Variants in SP140L observed in about 807,000 individuals in gnomAD.
The protein encoded by SP140L is SP140 like nuclear body protein.
Under a neutral mutation model 84.3 loss-of-function variants are expected in SP140L, and 64 were observed. The observed-to-expected ratio is 0.76, with a 90% CI of 0.62 to 0.94. The LOEUF is 0.94. Among genes scored for constraint, SP140L ranks in the 40% least tolerant of loss-of-function variants. The pLI, the probability that SP140L is intolerant of heterozygous loss-of-function variation, is 0.00. For synonymous variants in SP140L, 242 were observed against 236.9 expected (o/e 1.02, Z -0.20); for missense variants, 628 against 692.5 (o/e 0.91, Z 1.05).
rs1559465933 is a variant in SP140L, at chr2:230,400,240, G to A, written c.1311G>A (p.Glu437=). 2 of 1,614,110 alleles carry A rather than the reference G, an allele frequency of 1.2e-6. No homozygotes were observed. The highest frequency in any genetic ancestry group is 2.2e-5 in the East Asian group (1 of 44,874). Residue 437 remains glutamate, a splice_region_variant and synonymous_variant, in exon 15 of 19, where the codon GAG becomes GAA. Transcript: ENST00000415673. ...EDCHIPPVES[E]KTPWNCIFCR... is the part of the protein sequence containing the mutation. ...GCCACATCCCACCTGTGGAAAGTGA[G>A]AAGTAAGTGACATGCAGGCACCTCT...
chr2:230,389,400 G>T (rs2061712078), intron 10 of SP140L, among the ~76,000 whole-genome samples: 1 of 152,122 alleles, frequency 6.6e-6, no homozygotes, highest in South Asian at 2.1e-4. Context: ...CAGCTGTGGA[G>T]AAAGCTGATA....
chr2:230,394,266 C>T (rs1278852635), intron 13 of SP140L, among the ~76,000 whole-genome samples: 2 of 151,040 alleles, frequency 1.3e-5, no homozygotes, highest in Non-Finnish European at 3.0e-5. Context: ...AGATTCAGGA[C>T]AAGGTGATGG....
intron 2 of SP140L, among the ~76,000 whole-genome samples, chr2:230,336,769 T>C (rs2059894988): frequency 6.6e-6 from 1 of 152,224 alleles, no homozygotes; most frequent in Admixed American, 6.5e-5. Context: ...TGTCAGACTT[T>C]CCTTTCAATA....
At chr2:230,381,723 C>CT (rs1358295757) in intron 7 of SP140L, among the ~76,000 whole-genome samples, 5 of 147,928 alleles carry the variant, frequency 3.4e-5, no homozygotes, top group African/African-American at 9.9e-5. Flanking sequence ...CACACACACA[C>CT]ACACACACAC....
At chr2:230,379,770 T>C (rs574397890) in intron 7 of SP140L, among the ~76,000 whole-genome samples, 20 of 152,314 alleles carry the variant, frequency 1.3e-4, no homozygotes, top group African/African-American at 4.8e-4. Context: ...GTAAAGTGAT[T>C]ACTACATTGT....
intron 13 of SP140L, among the ~76,000 whole-genome samples, chr2:230,394,418 A>G (rs1392566146): frequency 6.6e-6 from 1 of 152,246 alleles, no homozygotes; most frequent in East Asian, 1.9e-4. Context: ...ACTAAGCTTC[A>G]TATTCCACTG....
intron 7 of SP140L, among the ~76,000 whole-genome samples, chr2:230,383,072 T>G (rs1472454903): frequency 6.6e-6 from 1 of 152,210 alleles, no homozygotes; most frequent in Non-Finnish European, 1.5e-5. Flanking sequence ...TGTAATTGCA[T>G]AATGAAAACT....
At chr2:230,342,085 C>T (rs190144511) in intron 2 of SP140L, 3,625 of 166,000 alleles carry the variant, frequency 0.022, 147 homozygotes, top group African/African-American at 0.082. Context: ...GCGCCCCTCC[C>T]CCAGCGTCAC....
chr2:230,393,315 G>C (rs911390627), intron 12 of SP140L, 99 bp from the exon 13 acceptor site: 75 of 1,353,052 alleles, frequency 5.5e-5, no homozygotes, highest in Admixed American at 1.3e-4. Flanking sequence ...GCTGGCATTG[G>C]AACACTCAGG....
chr2:230,387,078 CAGAGAGCCACACCTGTGT>C (rs1252929131), intron 9 of SP140L, among the ~76,000 whole-genome samples: 9 of 152,164 alleles, frequency 5.9e-5, no homozygotes, highest in African/African-American at 1.9e-4. Flanking sequence ...GAGAGCTTCT[CAGAGAGCCACACCTGTGT>C]GGCTGATGTT....
chr2:230,373,666 T>C (rs1335436003), intron 7 of SP140L, among the ~76,000 whole-genome samples: 2 of 152,236 alleles, frequency 1.3e-5, no homozygotes, highest in East Asian at 3.8e-4. Flanking sequence ...TACAAGGTGA[T>C]TAATGCTATT....
At chr2:230,385,340 G>A (rs774137663) in intron 9 of SP140L, 36 bp downstream of exon 9, 20 of 1,585,904 alleles carry the variant, frequency 1.3e-5, no homozygotes, top group Non-Finnish European at 1.7e-5. Context: ...CATTTGCCCT[G>A]CAGGTCAATG....
intron 4 of SP140L, among the ~76,000 whole-genome samples, chr2:230,361,384 A>G (rs562274596): frequency 6.6e-6 from 1 of 152,238 alleles, no homozygotes; most frequent in African/African-American, 2.4e-5. Flanking sequence ...ACAGCTCACT[A>G]TGTTTCCATT....
chr2:230,330,217 T>C (rs934796692), intron 2 of SP140L, among the ~76,000 whole-genome samples: 1 of 152,222 alleles, frequency 6.6e-6, no homozygotes. Flanking sequence ...TCATCTGAGC[T>C]ACAGTTTGAA....
intron 15 of SP140L, 114 bp downstream of exon 15, chr2:230,400,356 G>A (rs571291556): frequency 1.7e-4 from 173 of 1,048,204 alleles, no homozygotes; most frequent in South Asian, 3.0e-4. Context: ...CAGGTTCATC[G>A]GGTACTGGGA....
At chr2:230,366,710 CTATTATT>C (rs1206267907) in intron 5 of SP140L, among the ~76,000 whole-genome samples, 3,299 of 144,574 alleles carry the variant, frequency 0.023, 134 homozygotes, top group African/African-American at 0.077. Flanking sequence ...GGATTATTAT[CTATTATT>C]ATTATTATTA....
At chr2:230,393,130 A>G (rs1016553971) in intron 12 of SP140L, among the ~76,000 whole-genome samples, 1 of 152,130 alleles carries the variant, frequency 6.6e-6, no homozygotes, top group Non-Finnish European at 1.5e-5. Context: ...GTGCAACTGG[A>G]AAAGAAGTGA....
At chr2:230,329,403 TC>T (rs2059666191) in intron 2 of SP140L, among the ~76,000 whole-genome samples, 1 of 152,226 alleles carries the variant, frequency 6.6e-6, no homozygotes, top group Non-Finnish European at 1.5e-5. Flanking sequence ...ACAATAGTTG[TC>T]TCAAACTTTT....
chr2:230,347,727 GT>G (rs2060251616), intron 2 of SP140L, among the ~76,000 whole-genome samples: 1 of 152,198 alleles, frequency 6.6e-6, no homozygotes, highest in Non-Finnish European at 1.5e-5. Flanking sequence ...CTCTTTGGGG[GT>G]TCCCTGGTCC....
Sources: allele counts gnomAD v4.1 joint callset (sites outside exome capture counted in the v4.1 genomes callset), GRCh38; gene constraint gnomAD v4.1.1; transcripts MANE v1.5; gene names NCBI Gene and HGNC (gene_info 2026-07-23, HGNC 2026-07-21).